RYR2: variants seen among roughly 807,000 people sequenced by gnomAD.
RYR2 encodes cardiac muscle ryanodine receptor-calcium release channel.
In RYR2, 227 loss-of-function variants were observed where a neutral mutation model predicts 601.1. That is an observed-to-expected ratio of 0.38 (90% CI 0.34 to 0.42). The LOEUF (loss-of-function observed/expected upper bound fraction) is 0.42, where lower values mean the gene tolerates loss of function less well. Ranked by LOEUF, RYR2 falls within the 10% of genes least tolerant of loss-of-function variation. The pLI, the probability that RYR2 is intolerant of heterozygous loss-of-function variation, is 1.00. For missense variants in RYR2, 4,646 were observed against 6,156.5 expected, an observed-to-expected ratio of 0.75 and a Z score of 8.21; for synonymous variants, 2,223 against 2,175.1, an observed-to-expected ratio of 1.02 and a Z score of -0.61.
At chr1:237,633,731 T>A in intron 43 of RYR2, 21 bp downstream of exon 43, 4 of 1,596,400 alleles carry the variant, frequency 2.5e-6, no homozygotes, top group Non-Finnish European at 3.4e-6. Flanking sequence ...GACTTTTATT[T>A]CATCTTTAAG....
At chr1:237,616,410 A>G (rs1475193494) in intron 37 of RYR2, among the ~76,000 whole-genome samples, 1 of 152,170 alleles carries the variant, frequency 6.6e-6, no homozygotes, top group Non-Finnish European at 1.5e-5. Flanking sequence ...AGCATTCACC[A>G]CTTAATTGTC....
At chr1:237,701,424 G>A (rs979426820) in intron 65 of RYR2, among the ~76,000 whole-genome samples, 2 of 151,994 alleles carry the variant, frequency 1.3e-5, no homozygotes, top group East Asian at 3.9e-4. Context: ...CCAGCTACTC[G>A]GGAGGCTGAG....
intron 4 of RYR2, among the ~76,000 whole-genome samples, chr1:237,356,909 T>C (rs1229756707): frequency 1.3e-5 from 2 of 152,192 alleles, no homozygotes; most frequent in African/African-American, 4.8e-5. Flanking sequence ...CCTTTAAGAT[T>C]GACTTAACTG....
At chr1:237,517,654 AT>A (rs925191818) in intron 24 of RYR2, among the ~76,000 whole-genome samples, 7 of 151,834 alleles carry the variant, frequency 4.6e-5, no homozygotes, top group Non-Finnish European at 5.9e-5. Flanking sequence ...AAAAGGTTTT[AT>A]TTTTTAGAGC....
chr1:237,380,395 TATATATATATATATATATATATATATA>T (rs1558718147), intron 8 of RYR2, among the ~76,000 whole-genome samples: 1,418 of 36,162 alleles, frequency 0.039, 65 homozygotes, highest in East Asian at 0.068. Flanking sequence ...TATATATATA[TATATATATATATATATATATATATATA>T]GTAAATACGA....
intron 58 of RYR2, among the ~76,000 whole-genome samples, chr1:237,671,046 G>A (rs1684881350): frequency 6.6e-6 from 1 of 152,170 alleles, no homozygotes; most frequent in Non-Finnish European, 1.5e-5. Context: ...CATACAACTT[G>A]TACTGGCTCA....
intron 16 of RYR2, among the ~76,000 whole-genome samples, chr1:237,466,418 T>A (rs1378541325): frequency 6.6e-6 from 1 of 152,160 alleles, no homozygotes; most frequent in Non-Finnish European, 1.5e-5. Context: ...TCCTCCCACC[T>A]TGGCTCCCAA....
chr1:237,089,029 T>C (rs1666664167), intron 1 of RYR2, among the ~76,000 whole-genome samples: 1 of 152,218 alleles, frequency 6.6e-6, no homozygotes, highest in Admixed American at 6.5e-5. Flanking sequence ...CTCTCATTCT[T>C]AGATTAAAAA....
chr1:237,309,418 C>T (rs938188950), intron 2 of RYR2, among the ~76,000 whole-genome samples: 3 of 151,534 alleles, frequency 2.0e-5, no homozygotes, highest in African/African-American at 7.3e-5. Flanking sequence ...TCTCCAAGTC[C>T]CCACTAGATT....
chr1:237,167,779 G>C (rs914116830), intron 1 of RYR2, among the ~76,000 whole-genome samples: 16 of 141,178 alleles, frequency 1.1e-4, no homozygotes, highest in African/African-American at 4.3e-4. Flanking sequence ...CTGGACTGCA[G>C]TGGCTGTTTA....
At chr1:237,406,708 T>A (rs1703940266) in intron 10 of RYR2, among the ~76,000 whole-genome samples, 1 of 152,164 alleles carries the variant, frequency 6.6e-6, no homozygotes, top group African/African-American at 2.4e-5. Context: ...TAATGATTTT[T>A]AAAAAATTAA....
chr1:237,515,948 TGCTCTTCTCCTTCTC>T (rs934364391), intron 24 of RYR2, among the ~76,000 whole-genome samples: 2 of 79,716 alleles, frequency 2.5e-5, no homozygotes, highest in South Asian at 4.9e-4. Flanking sequence ...CTCTTCTCCT[TGCTCTTCTCCTTCTC>T]GCTCTTCTCC....
chr1:237,266,727 T>C (rs1689097977), intron 1 of RYR2, among the ~76,000 whole-genome samples: 1 of 152,250 alleles, frequency 6.6e-6, no homozygotes, highest in Non-Finnish European at 1.5e-5. Flanking sequence ...GATTAGGTTG[T>C]ATCATTCAAA....
intron 25 of RYR2, among the ~76,000 whole-genome samples, chr1:237,532,506 T>C (rs1021204384): frequency 2.0e-5 from 3 of 152,122 alleles, no homozygotes; most frequent in African/African-American, 7.2e-5. Flanking sequence ...TTCATTATCC[T>C]CTCATTTTCA....
intron 2 of RYR2, among the ~76,000 whole-genome samples, chr1:237,309,773 C>T (rs776134032): frequency 8.5e-5 from 13 of 152,184 alleles, no homozygotes; most frequent in South Asian, 4.1e-4. Context: ...CCCTGCCCTG[C>T]GGGGAGGCAG....
rs1399452388 is a variant in RYR2, at chr1:237,506,907, A to G, written c.2718+93A>G. The G allele has an allele frequency of 7.8e-6, 8 of 1,031,364 alleles. No individual in the cohort carries two copies. The Admixed American group carries it at 1.0e-4, about 13-fold the overall frequency. The allele number at this position is 1,031,364 out of a possible 1,614,324, so 63.9% of individuals were successfully genotyped here. Reference sequence around the variant, plus strand: ...CCTTTTCCCGCTATGGGGTGACATCAATCAGTTAGTTGGATTGATTTTTTT... The same window carrying G: ...CCTTTTCCCGCTATGGGGTGACATCGATCAGTTAGTTGGATTGATTTTTTT... On this transcript the variant is annotated intron_variant, in intron 23 of 104. Transcript: ENST00000366574.
chr1:237,450,580 C>A (rs1657967593), intron 14 of RYR2, among the ~76,000 whole-genome samples: 1 of 152,142 alleles, frequency 6.6e-6, no homozygotes, highest in Non-Finnish European at 1.5e-5. Flanking sequence ...GGAAATCCTG[C>A]CCTGTCACTT....
chr1:237,371,896 G>C (rs989155796), intron 6 of RYR2, among the ~76,000 whole-genome samples: 1 of 152,268 alleles, frequency 6.6e-6, no homozygotes, highest in Middle Eastern at 3.4e-3. Flanking sequence ...GGGGCCTGTC[G>C]TGGGGTGGGG....
At chr1:237,054,868 G>A (rs1173506411) in intron 1 of RYR2, among the ~76,000 whole-genome samples, 1 of 152,092 alleles carries the variant, frequency 6.6e-6, no homozygotes, top group Non-Finnish European at 1.5e-5. Flanking sequence ...AGGTGAGTGG[G>A]GGCCATGTGT....
Sources: allele counts gnomAD v4.1 joint callset (sites outside exome capture counted in the v4.1 genomes callset), GRCh38; gene constraint gnomAD v4.1.1; transcripts MANE v1.5; gene names NCBI Gene and HGNC (gene_info 2026-07-23, HGNC 2026-07-21).